JPH3: variants seen among roughly 807,000 people sequenced by gnomAD.
The protein encoded by JPH3 is junctophilin-3.
JPH3 carries 11 observed loss-of-function variants against 59.6 expected under a neutral mutation model. The observed-to-expected ratio is 0.18, with a 90% CI of 0.12 to 0.31. The LOEUF (loss-of-function observed/expected upper bound fraction) is 0.31. JPH3 is among the 10% of genes least tolerant of loss of function. The pLI is 1.00. For synonymous variants in JPH3, 673 were observed against 483.6 expected (o/e 1.39, Z -5.14); for missense variants, 1,202 against 1,105.7 (o/e 1.09, Z -1.24).
At chr16:87,656,493 C>T (rs140609710) in intron 2 of JPH3, among the ~76,000 whole-genome samples, 91 of 152,314 alleles carry the variant, frequency 6.0e-4, no homozygotes, top group African/African-American at 2.0e-3. Flanking sequence ...GATCAGATTA[C>T]GGAGTTCATA....
rs78776854 is a variant in JPH3 at position 87,691,162 on chromosome 16, G to A, written c.2166+636G>A. Among the ~76,000 whole-genome samples, 51 of 151,972 alleles carry A rather than the reference G, an allele frequency of 3.4e-4. 1 individual carries two copies. The East Asian group carries it at 5.8e-3, about 17-fold the overall frequency. ...AGCGTCCCCCTGGGCTAGACTCGGC[G>A]CGAGGCTGGGGGTCCCAGGCTAGAC... On this transcript the variant is annotated intron_variant, in intron 4 of 4. Coordinates refer to ENST00000284262, the MANE Select transcript of JPH3 (RefSeq NM_020655.4).
At chr16:87,634,244 A>C (rs2031659232) in intron 1 of JPH3, among the ~76,000 whole-genome samples, 2 of 152,154 alleles carry the variant, frequency 1.3e-5, no homozygotes, top group Admixed American at 6.5e-5. Flanking sequence ...TGAGGGTCCC[A>C]GAGGGGGCAC....
intron 2 of JPH3, among the ~76,000 whole-genome samples, chr16:87,677,756 CATTT>C (rs1265103357): frequency 6.6e-6 from 1 of 152,228 alleles, no homozygotes; most frequent in Non-Finnish European, 1.5e-5. Flanking sequence ...TTCACTCATT[CATTT>C]GTTCAGCTGA....
chr16:87,631,243 C>T (rs1316749026), intron 1 of JPH3, among the ~76,000 whole-genome samples: 1 of 152,186 alleles, frequency 6.6e-6, no homozygotes, highest in Non-Finnish European at 1.5e-5. Context: ...CTTCTCATGT[C>T]TTCTTTCATG....
At chr16:87,693,125 A>G (rs963793881) in intron 4 of JPH3, among the ~76,000 whole-genome samples, 4 of 152,226 alleles carry the variant, frequency 2.6e-5, no homozygotes, top group Admixed American at 2.6e-4. Flanking sequence ...AGCTGGGCTC[A>G]GGGCAGCTTG....
At chr16:87,692,712 C>T (rs973746145) in intron 4 of JPH3, among the ~76,000 whole-genome samples, 1 of 152,238 alleles carries the variant, frequency 6.6e-6, no homozygotes, top group African/African-American at 2.4e-5. Context: ...GGTGAAGGAA[C>T]TCTGGCCCTG....
chr16:87,614,051 G>A (rs1332720613), intron 1 of JPH3, among the ~76,000 whole-genome samples: 3 of 152,190 alleles, frequency 2.0e-5, no homozygotes, highest in African/African-American at 7.2e-5. Flanking sequence ...CAAGGGAGGG[G>A]CCCTGCCCCA....
intron 2 of JPH3, among the ~76,000 whole-genome samples, chr16:87,660,713 A>C (rs2032672777): frequency 6.6e-6 from 1 of 152,124 alleles, no homozygotes; most frequent in African/African-American, 2.4e-5. Context: ...ATGGACCCCC[A>C]ATCACACTGT....
Position 87,695,315 on chromosome 16 carries a change from A to G in JPH3, c.2167-1265A>G, listed in dbSNP as rs571556791. 32 of 456,094 alleles carry G rather than the reference A, an allele frequency of 7.0e-5. No individual in the cohort carries two copies. The East Asian group carries it at 2.1e-3, about 30-fold the overall frequency. The allele number at this position is 456,094 out of a possible 1,614,324, so 28.3% of individuals were successfully genotyped here. A position where few individuals can be genotyped will look rare whatever the true frequency, so the allele number is the denominator to read the frequency against. Reference sequence around the variant, plus strand: ...CAGACTTGGGGGCTTAAAGGAGTCCATGGAAAACCAGTCTGTTAACAGGGA... The same window carrying G: ...CAGACTTGGGGGCTTAAAGGAGTCCGTGGAAAACCAGTCTGTTAACAGGGA... On this transcript the variant is annotated intron_variant, in intron 4 of 4. Coordinates refer to ENST00000284262, the MANE Select transcript of JPH3 (RefSeq NM_020655.4).
chr16:87,652,218 G>A (rs1486460596), intron 2 of JPH3, among the ~76,000 whole-genome samples: 11 of 151,980 alleles, frequency 7.2e-5, no homozygotes, highest in Admixed American at 2.0e-4. Context: ...CTCGAGATCC[G>A]CCCACCTCGG....
At chr16:87,629,174 G>C (rs1030580159) in intron 1 of JPH3, among the ~76,000 whole-genome samples, 7 of 152,138 alleles carry the variant, frequency 4.6e-5, no homozygotes, top group African/African-American at 1.7e-4. Flanking sequence ...GCCTGCTGCT[G>C]TCTCGGTATT....
At chr16:87,680,603 T>TG (rs1276741264) in intron 2 of JPH3, among the ~76,000 whole-genome samples, 1 of 152,092 alleles carries the variant, frequency 6.6e-6, no homozygotes, top group South Asian at 2.1e-4. Context: ...GGTGCAGGGG[T>TG]GGGGGGCCCC....
At chr16:87,653,264 C>G (rs973167406) in intron 2 of JPH3, among the ~76,000 whole-genome samples, 1 of 152,208 alleles carries the variant, frequency 6.6e-6, no homozygotes, top group African/African-American at 2.4e-5. Context: ...CCCTTTGTGT[C>G]TCCAGCACCT....
At chr16:87,678,743 C>A (rs150306919) in intron 2 of JPH3, among the ~76,000 whole-genome samples, 1 of 152,154 alleles carries the variant, frequency 6.6e-6, no homozygotes, top group Non-Finnish European at 1.5e-5. Context: ...GGGCCCCAAT[C>A]CAACGAAGAG....
chr16:87,651,747 T>C (rs1252816398), intron 2 of JPH3, among the ~76,000 whole-genome samples: 1 of 152,254 alleles, frequency 6.6e-6, no homozygotes, highest in East Asian at 1.9e-4. Flanking sequence ...TTTCTTGCGA[T>C]GGAATCTACT....
At chr16:87,637,718 G>T (rs1478350343) in intron 1 of JPH3, among the ~76,000 whole-genome samples, 1 of 152,050 alleles carries the variant, frequency 6.6e-6, no homozygotes, top group South Asian at 2.1e-4. Context: ...ATTCCGCCTC[G>T]TGGTGCCCTG....
In JPH3 at chr16:87,677,185, T is replaced by TATACACACACACACACACAC. The variant is rs1491266129; in HGVS notation, c.1161-6956_1161-6955insTACACACACACACACACACA. 3.2e-3 allele frequency among the ~76,000 whole-genome samples: 308 copies of TATACACACACACACACACAC among 95,082 alleles called. 3 individuals are homozygous for TATACACACACACACACACAC. The highest frequency in any genetic ancestry group is 3.8e-3 in the Non-Finnish European group (192 of 50,306). 62.4% of individuals were successfully genotyped at this position (95,082 alleles called of 152,430 possible). A position where few individuals can be genotyped will look rare whatever the true frequency, so the allele number is the denominator to read the frequency against. On this transcript the variant is annotated intron_variant, in intron 2 of 4. Transcript: ENST00000284262. The stretch of plus-strand genomic sequence containing the variant: ...CACACACACACGCACTATATATATA[T>TATACACACACACACACACAC]ACACACACACACACACACACACACA...
At chr16:87,671,558 C>T (rs2033015792) in intron 2 of JPH3, among the ~76,000 whole-genome samples, 1 of 151,782 alleles carries the variant, frequency 6.6e-6, no homozygotes, top group Admixed American at 6.6e-5. Flanking sequence ...GCAGGAGTCA[C>T]CCACACAACC....
intron 4 of JPH3, among the ~76,000 whole-genome samples, chr16:87,692,267 G>A (rs752940506): frequency 1.5e-4 from 22 of 145,924 alleles, no homozygotes; most frequent in Non-Finnish European, 2.7e-4. Flanking sequence ...AGGTCTGTGA[G>A]GGGAGATGGT....
Sources: allele counts gnomAD v4.1 joint callset (sites outside exome capture counted in the v4.1 genomes callset), GRCh38; gene constraint gnomAD v4.1.1; transcripts MANE v1.5; gene names NCBI Gene and HGNC (gene_info 2026-07-23, HGNC 2026-07-21).